Variants in APBA1 observed in about 807,000 individuals in gnomAD.
The protein encoded by APBA1 is amyloid-beta A4 precursor protein-binding family A member 1.
A neutral mutation model predicts 86.6 loss-of-function variants in APBA1; 55 were observed. The observed-to-expected ratio is 0.64, with a 90% CI of 0.51 to 0.80. The LOEUF (loss-of-function observed/expected upper bound fraction) is 0.80, where lower values mean the gene tolerates loss of function less well. Among genes scored for constraint, APBA1 ranks in the 30% least tolerant of loss-of-function variants. The pLI is 0.00. For missense variants in APBA1, 1,090 were observed against 1,183.0 expected (o/e 0.92, Z 1.15); for synonymous variants, 511 against 493.9 (o/e 1.03, Z -0.46).
chr9:69,465,348 G>A (rs1490392985), intron 5 of APBA1: 3 of 152,176 alleles, frequency 2.0e-5, no homozygotes, highest in African/African-American at 7.2e-5. Context: ...AAGCCCAGGT[G>A]GCATATCTGG....
chr9:69,595,507 A>G lies in APBA1; in HGVS notation c.-70+76646T>C, dbSNP rs1822209741. Among the ~76,000 whole-genome samples, 3 of 152,304 alleles carry G rather than the reference A, an allele frequency of 2.0e-5. No homozygotes were observed. The South Asian group carries it at 6.2e-4, about 32-fold the overall frequency. On this transcript the variant is annotated intron_variant, in intron 1 of 12. Transcript: ENST00000265381. ...AAATATTCTAGCGGATCTCTAACTC[A>G]TAGCCCATTTTATATCCATTATTGT...
rs373923582 is a variant in APBA1 at position 69,511,302 on chromosome 9, T to G, written c.1200+4709A>C. ...CTTCTCAAAAGAAGACATTTATGCATCCAAAAAACACATGAAAAAATGCTC... is the reference window on the plus strand; with the variant it reads ...CTTCTCAAAAGAAGACATTTATGCAGCCAAAAAACACATGAAAAAATGCTC... On this transcript the variant is annotated intron_variant, in intron 2 of 12. Coordinates refer to ENST00000265381, the MANE Select transcript of APBA1 (RefSeq NM_001163.4). Among the ~76,000 whole-genome samples, 195 of 152,174 alleles carry G rather than the reference T, an allele frequency of 1.3e-3. 1 individual carries two copies. Among genetic ancestry groups the G allele is most frequent in the African/African-American group, 4.0e-3 (166 of 41,516 alleles).
intron 11 of APBA1, among the ~76,000 whole-genome samples, chr9:69,440,273 A>G (rs1170741027): frequency 6.6e-6 from 1 of 152,170 alleles, no homozygotes; most frequent in East Asian, 1.9e-4. Context: ...TCAGATCTCA[A>G]GCTGTGTGCT....
chr9:69,578,202 C>T (rs990530502), intron 1 of APBA1, among the ~76,000 whole-genome samples: 3 of 152,368 alleles, frequency 2.0e-5, no homozygotes, highest in East Asian at 3.9e-4. Flanking sequence ...GAGAAGCAGA[C>T]TCCAGGCCTT....
intron 1 of APBA1, among the ~76,000 whole-genome samples, chr9:69,622,362 A>C (rs1404651117): frequency 6.6e-6 from 1 of 152,220 alleles, no homozygotes; most frequent in Non-Finnish European, 1.5e-5. Context: ...AAAGGTGATT[A>C]AATATGAGCA....
chr9:69,548,050 C>T (rs1836725304), intron 1 of APBA1, among the ~76,000 whole-genome samples: 1 of 152,172 alleles, frequency 6.6e-6, no homozygotes, highest in African/African-American at 2.4e-5. Context: ...ATCATGAGTC[C>T]TTAAAAATGG....
intron 1 of APBA1, among the ~76,000 whole-genome samples, chr9:69,619,142 A>C (rs899308596): frequency 6.6e-6 from 1 of 152,224 alleles, no homozygotes; most frequent in Non-Finnish European, 1.5e-5. Context: ...TTTTGAGGCA[A>C]TTGAAAGGAA....
chr9:69,446,103 C>T (rs1251856275), intron 10 of APBA1, among the ~76,000 whole-genome samples: 3 of 151,916 alleles, frequency 2.0e-5, no homozygotes, highest in African/African-American at 4.8e-5. Flanking sequence ...TGCAGTGGCC[C>T]GAGGGGTGGG....
At chr9:69,546,744 C>T (rs1564073400) in intron 1 of APBA1, among the ~76,000 whole-genome samples, 3 of 152,106 alleles carry the variant, frequency 2.0e-5, no homozygotes, top group Admixed American at 6.5e-5. Flanking sequence ...AAGTAAGGAG[C>T]AGGAGAGAGC....
chr9:69,624,764 T>C (rs1188130652), intron 1 of APBA1, among the ~76,000 whole-genome samples: 3 of 152,208 alleles, frequency 2.0e-5, no homozygotes, highest in African/African-American at 7.2e-5. Context: ...CATGATGATT[T>C]ACAGTTCAAG....
At chr9:69,629,713 C>T (rs1391873094) in intron 1 of APBA1, among the ~76,000 whole-genome samples, 1 of 152,132 alleles carries the variant, frequency 6.6e-6, no homozygotes, top group Admixed American at 6.5e-5. Context: ...TTGAGCACTG[C>T]TATGTATTGA....
At position 69,456,273 on chromosome 9, in the gene APBA1, T is replaced by A; in HGVS notation, c.1762A>T (p.Ile588Phe). Residue 588 changes from isoleucine (I) to phenylalanine (F), a missense_variant, in exon 8 of 13, where the codon ATC becomes TTC. Physicochemically the swap from Ile to Phe is conservative, Grantham distance 21. This residue lies in a region of APBA1 where 103 missense variants were observed against 91.9 expected (regional missense o/e 1.12). Coordinates refer to ENST00000265381, the MANE Select transcript of APBA1 (RefSeq NM_001163.4). ...SQDGKRQYKMICHVFESEDAQ... is the reference protein window; with the variant it reads ...SQDGKRQYKMFCHVFESEDAQ... ...TCCTCAGACTCGAAGACGTGGCAGATCATCTTGTACTGCCTTTTCCCATCC... is the reference window on the plus strand; with the variant it reads ...TCCTCAGACTCGAAGACGTGGCAGAACATCTTGTACTGCCTTTTCCCATCC... 2 of 1,614,210 alleles carry A rather than the reference T, an allele frequency of 1.2e-6. No homozygotes were observed. The highest frequency in any genetic ancestry group is 1.7e-6 in the Non-Finnish European group (2 of 1,180,032).
At chr9:69,628,129 C>G (rs1371850713) in intron 1 of APBA1, among the ~76,000 whole-genome samples, 1 of 152,118 alleles carries the variant, frequency 6.6e-6, no homozygotes, top group Non-Finnish European at 1.5e-5. Flanking sequence ...AGCAGCCACA[C>G]AGCAAAGAGC....
At chr9:69,639,133 A>G (rs1009729138) in intron 1 of APBA1, among the ~76,000 whole-genome samples, 1 of 152,192 alleles carries the variant, frequency 6.6e-6, no homozygotes, top group African/African-American at 2.4e-5. Context: ...GATAGTTTAC[A>G]GTTAAAAGAC....
chr9:69,496,243 G>A (rs1048361427), intron 2 of APBA1, among the ~76,000 whole-genome samples: 4 of 152,232 alleles, frequency 2.6e-5, no homozygotes, highest in Admixed American at 6.5e-5. Context: ...GATCTGTGGC[G>A]ATGGGGAAGG....
intron 11 of APBA1, among the ~76,000 whole-genome samples, chr9:69,433,580 A>G (rs1204390469): frequency 6.6e-6 from 1 of 152,178 alleles, no homozygotes; most frequent in Non-Finnish European, 1.5e-5. Context: ...CTTTTAATGC[A>G]GTTTAACTAT....
At chr9:69,463,131 A>G (rs751351802) in intron 5 of APBA1, 6 of 152,208 alleles carry the variant, frequency 3.9e-5, no homozygotes, top group Admixed American at 6.5e-5. Context: ...TAATTCTGCT[A>G]TTGTGCTCAG....
In APBA1 at chr9:69,533,958, C is replaced by T. The variant is rs551019615; in HGVS notation, c.-69-16679G>A. Among the ~76,000 whole-genome samples the T allele has an allele frequency of 4.6e-5, 7 of 152,206 alleles. No homozygotes were observed. The South Asian group carries it at 1.5e-3, about 32-fold the overall frequency. On this transcript the variant is annotated intron_variant, in intron 1 of 12. Transcript: ENST00000265381. ...CCTCCTTCCACTGTCCCACCATAATCCCAATGGATTCATTTACAAAGAGGA... is the reference window on the plus strand; with the variant it reads ...CCTCCTTCCACTGTCCCACCATAATTCCAATGGATTCATTTACAAAGAGGA...
At chr9:69,449,910 C>T (rs935498401) in intron 9 of APBA1, 114 bp from the exon 10 acceptor site, 1 of 862,018 alleles carries the variant, frequency 1.2e-6, no homozygotes, top group African/African-American at 1.7e-5. Context: ...TCCCTGGGGA[C>T]ACCAACCCAG....
Sources: gnomAD v4.1 joint callset for allele counts (sites outside exome capture counted in the v4.1 genomes callset) on GRCh38, gnomAD v4.1.1 for gene constraint, gnomAD v4.1.1 regional missense constraint, MANE v1.5 for transcripts, NCBI Gene and HGNC (gene_info 2026-07-23, HGNC 2026-07-21) for gene names.